The following DEPDC5 variants were observed in gnomAD, a reference collection of about 807,000 sequenced individuals.
The protein encoded by DEPDC5 is DEP domain containing 5, GATOR1 subcomplex subunit, also known as GATOR1 complex protein DEPDC5.
DEPDC5 carries 73 observed loss-of-function variants against 217.3 expected under a neutral mutation model. That is an observed-to-expected ratio of 0.34 (90% CI 0.28 to 0.41). DEPDC5 has a LOEUF of 0.41. DEPDC5 is among the 10% of genes least tolerant of loss of function. The pLI is 1.00. For synonymous variants in DEPDC5, 733 were observed against 756.7 expected, an observed-to-expected ratio of 0.97 and a Z score of 0.51; for missense variants, 1,675 against 2,070.1, an observed-to-expected ratio of 0.81 and a Z score of 3.70.
chr22:31,759,526 AC>A (rs2082210887), intron 3 of DEPDC5, among the ~76,000 whole-genome samples: 1 of 150,482 alleles, frequency 6.6e-6, no homozygotes. Context: ...GGCGCGTGCC[AC>A]CATGCTTGGC....
At position 31,906,509 on chromosome 22, in the gene DEPDC5, AC is replaced by A. The variant is rs751405554; in HGVS notation, c.*14del. ...CCAGTGCCCCGTGAGGCCAGGCTGC[AC>A]CTGTGCTGGGGGAAGGTGGGTGAGC... On this transcript the variant is annotated 3_prime_UTR_variant, in exon 43 of 43. Coordinates refer to ENST00000651528, the MANE Select transcript of DEPDC5 (RefSeq NM_001242896.3). The surrounding 1 kb of genome is among the most constrained non-coding windows in gnomAD (Gnocchi z 5.1). The A allele has an allele frequency of 6.2e-7, 1 of 1,611,988 alleles. No homozygotes were observed. Among genetic ancestry groups the A allele is most frequent in the Non-Finnish European group, 8.5e-7 (1 of 1,178,736 alleles).
intron 31 of DEPDC5, among the ~76,000 whole-genome samples, chr22:31,857,179 G>T (rs1316669660): frequency 6.6e-6 from 1 of 152,198 alleles, no homozygotes; most frequent in Non-Finnish European, 1.5e-5. Context: ...AACCATGTCA[G>T]TCCCCTTTTT....
Position 31,843,756 on chromosome 22 carries a change from G to A in DEPDC5, c.2745G>A (p.Glu915=), listed in dbSNP as rs373602490. 1.2e-6 allele frequency: 2 copies of A among 1,613,926 alleles called. No homozygotes were observed. Among genetic ancestry groups the A allele is most frequent in the African/African-American group, 1.3e-5 (1 of 74,926 alleles). Residue 915 remains glutamate (E), a synonymous_variant, in exon 29 of 43, where the codon GAG becomes GAA. Coordinates refer to ENST00000651528, the MANE Select transcript of DEPDC5 (RefSeq NM_001242896.3). The stretch of plus-strand genomic sequence containing the variant: ...AATTCTCCCACGAACGGCTGGAGGA[G>A]TACAAGTGGAATTACTTAGATCAGT... The part of the protein sequence containing the change: ...WVEFSHERLE[E]YKWNYLDQYI...
At chr22:31,760,817 A>G in intron 4 of DEPDC5, 115 bp downstream of exon 4, 1 of 859,534 alleles carries the variant, frequency 1.2e-6, no homozygotes, top group Admixed American at 2.9e-5. Context: ...TTTTTTAAAC[A>G]AATTTTAATT....
chr22:31,865,893 C>G (rs2092675511), intron 33 of DEPDC5, among the ~76,000 whole-genome samples: 1 of 152,210 alleles, frequency 6.6e-6, no homozygotes, highest in Non-Finnish European at 1.5e-5. Context: ...TGCAATGCCT[C>G]TGTCTGCGTG....
chr22:31,880,256 G>A (rs760238018), intron 38 of DEPDC5: 4 of 162,724 alleles, frequency 2.5e-5, no homozygotes, highest in Non-Finnish European at 5.5e-5. Flanking sequence ...GATGTAAACT[G>A]AAACACTTCC....
In DEPDC5 at chr22:31,861,080, C is replaced by A. The variant is rs115203963; in HGVS notation, c.3265-288C>A. On this transcript the variant is annotated intron_variant, in intron 32 of 42. Coordinates refer to ENST00000651528, the MANE Select transcript of DEPDC5 (RefSeq NM_001242896.3). ...CACCTTCCAACCTGGGTGCTTTCTC[C>A]CACACAGATGGGATATTCTGCCCAG... Among the ~76,000 whole-genome samples, 505 of 152,062 alleles carry A rather than the reference C, an allele frequency of 3.3e-3. 2 individuals are homozygous for A. Among genetic ancestry groups the A allele is most frequent in the African/African-American group, 0.012 (490 of 41,474 alleles).
At chr22:31,892,624 C>G (rs1437327795) in intron 38 of DEPDC5, among the ~76,000 whole-genome samples, 1 of 150,940 alleles carries the variant, frequency 6.6e-6, no homozygotes, top group African/African-American at 2.4e-5. Context: ...GCAGAGGTTG[C>G]AGTGAGCCAA....
chr22:31,887,935 G>C (rs570094302), intron 38 of DEPDC5, among the ~76,000 whole-genome samples: 2 of 152,270 alleles, frequency 1.3e-5, no homozygotes, highest in East Asian at 3.9e-4. Context: ...ATGATTTATA[G>C]GGGGAAGAAG....
chr22:31,881,276 C>T (rs1173699814), intron 38 of DEPDC5, among the ~76,000 whole-genome samples: 3 of 144,366 alleles, frequency 2.1e-5, no homozygotes, highest in Non-Finnish European at 3.0e-5. Flanking sequence ...TACTCTAGAG[C>T]GAGACTCCAT....
chr22:31,850,252 A>T (rs867001206), intron 31 of DEPDC5, among the ~76,000 whole-genome samples: 12 of 151,930 alleles, frequency 7.9e-5, no homozygotes, highest in Middle Eastern at 3.5e-3. Context: ...ATGATACATG[A>T]TGTTATATAA....
chr22:31,906,286 C>A lies in DEPDC5; in HGVS notation c.4601C>A (p.Thr1534Asn). The A allele has an allele frequency of 6.2e-7, 1 of 1,613,972 alleles. No individual in the cohort carries two copies. The highest frequency in any genetic ancestry group is 8.5e-7 in the Non-Finnish European group (1 of 1,179,946). ...CGGCGGCGGAACTCCACCAGCTCCA[C>A]CAACCAGAACATGTTCTGCGAGGAG... ...QRRRRNSTSS[T>N]NQNMFCEERV... Residue 1534 changes from threonine (T) to asparagine (N), a missense_variant, in exon 43 of 43, where the codon ACC becomes AAC. Around this residue, in one of 11 missense-constraint regions of DEPDC5, gnomAD observed 42 missense variants for 27.7 expected, o/e 1.51. Transcript: ENST00000651528. This position sits in a 1 kb window ranked among gnomAD's most constrained non-coding sequence, Gnocchi z 5.1.
intron 14 of DEPDC5, among the ~76,000 whole-genome samples, chr22:31,802,148 T>A (rs886456851): frequency 2.7e-5 from 4 of 147,810 alleles, no homozygotes; most frequent in African/African-American, 4.9e-5. Flanking sequence ...TTTTTTTTTT[T>A]AGACAGGTTC....
intron 24 of DEPDC5, 92 bp downstream of exon 24, chr22:31,822,882 A>G (rs1381736519): frequency 2.3e-6 from 3 of 1,292,616 alleles, no homozygotes; most frequent in Non-Finnish European, 3.3e-6. Context: ...GGCCATGTCT[A>G]TTTTGAGATC....
At chr22:31,790,747 CTTTTTTTTTTTTTTTTT>C (rs1400424011) in intron 10 of DEPDC5, among the ~76,000 whole-genome samples, 11 of 128,204 alleles carry the variant, frequency 8.6e-5, no homozygotes, top group Admixed American at 1.5e-4. Context: ...TTTTTTTTTT[CTTTTTTTTTTTTTTTTT>C]GAGACGGAGT....
chr22:31,761,203 A>C (rs2082359713), intron 4 of DEPDC5, among the ~76,000 whole-genome samples: 1 of 151,774 alleles, frequency 6.6e-6, no homozygotes, highest in Non-Finnish European at 1.5e-5. Flanking sequence ...GGATGGTCTC[A>C]ATCTCCTGAC....
At chr22:31,767,581 C>T (rs1410825931) in intron 6 of DEPDC5, among the ~76,000 whole-genome samples, 1 of 152,084 alleles carries the variant, frequency 6.6e-6, no homozygotes, top group Non-Finnish European at 1.5e-5. Flanking sequence ...AGGCGTGAGC[C>T]ACCGCTCCCA....
intron 13 of DEPDC5, 63 bp downstream of exon 13, chr22:31,797,766 C>T (rs1032722595): frequency 8.7e-6 from 11 of 1,258,144 alleles, no homozygotes; most frequent in African/African-American, 1.5e-5. Flanking sequence ...GTCTGGGAGA[C>T]AGAGAAGAGA....
At chr22:31,783,608 C>T (rs982820413) in intron 8 of DEPDC5, among the ~76,000 whole-genome samples, 7 of 152,110 alleles carry the variant, frequency 4.6e-5, no homozygotes, top group African/African-American at 1.7e-4. Flanking sequence ...TTTGAGGCTG[C>T]AGTGAGCTGT....
Sources: allele counts gnomAD v4.1 joint callset (sites outside exome capture counted in the v4.1 genomes callset), GRCh38; gene constraint gnomAD v4.1.1; regional missense constraint gnomAD v4.1.1; non-coding constraint Gnocchi (gnomAD v3.1); transcripts MANE v1.5; gene names NCBI Gene and HGNC (gene_info 2026-07-23, HGNC 2026-07-21).